Variants in DOCK1 observed in about 807,000 individuals in gnomAD.
DOCK1 encodes dedicator of cytokinesis 1, also known as dedicator of cytokinesis protein 1.
In DOCK1, 138 loss-of-function variants were observed where a neutral mutation model predicts 262.7. The ratio of observed to expected loss-of-function variants is 0.53; its 90% confidence interval spans 0.46 to 0.61. The LOEUF is 0.61. DOCK1 is among the 20% of genes least tolerant of loss of function. DOCK1 has a pLI of 0.00. For missense variants in DOCK1, 1,908 were observed against 2,370.7 expected, an observed-to-expected ratio of 0.80 and a Z score of 4.05; for synonymous variants, 866 against 867.4, an observed-to-expected ratio of 1.00 and a Z score of 0.03.
chr10:127,434,352 G>A (rs950143978), intron 48 of DOCK1, among the ~76,000 whole-genome samples: 1 of 152,012 alleles, frequency 6.6e-6, no homozygotes, highest in African/African-American at 2.4e-5. Context: ...TTTTGTTTTT[G>A]AGGCAGACTC....
intron 48 of DOCK1, 76 bp downstream of exon 48, chr10:127,433,504 G>A: frequency 6.6e-7 from 1 of 1,507,606 alleles, no homozygotes; most frequent in Non-Finnish European, 8.9e-7. Flanking sequence ...CCAGGGCTCT[G>A]GGTTTATTTT....
At chr10:127,284,199 A>G (rs1405094361) in intron 29 of DOCK1, among the ~76,000 whole-genome samples, 1 of 152,130 alleles carries the variant, frequency 6.6e-6, no homozygotes, top group East Asian at 1.9e-4. Context: ...TTGTTATACT[A>G]TGCTCATAGT....
At chr10:126,985,861 T>C (rs910592067) in intron 4 of DOCK1, among the ~76,000 whole-genome samples, 7 of 152,272 alleles carry the variant, frequency 4.6e-5, no homozygotes, top group Admixed American at 1.3e-4. Flanking sequence ...GTTGTTGTTT[T>C]TGAGATGGTG....
At chr10:127,222,722 GTGGT>G (rs1426416983) in intron 27 of DOCK1, among the ~76,000 whole-genome samples, 1 of 152,050 alleles carries the variant, frequency 6.6e-6, no homozygotes, top group African/African-American at 2.4e-5. Context: ...CTGGAGTGCA[GTGGT>G]ATGATCGTGG....
At chr10:127,286,058 C>T (rs577114722) in intron 29 of DOCK1, among the ~76,000 whole-genome samples, 185 of 152,202 alleles carry the variant, frequency 1.2e-3, no homozygotes, top group Non-Finnish European at 2.0e-3. Context: ...GGGCTCAGCC[C>T]GATGCGTCTA....
chr10:127,298,236 C>T (rs1023941265), intron 29 of DOCK1, among the ~76,000 whole-genome samples: 2 of 152,134 alleles, frequency 1.3e-5, no homozygotes, highest in African/African-American at 4.8e-5. Context: ...TAATTAGTGT[C>T]AAAAATCACA....
chr10:127,050,535 ACC>A (rs2044653037), intron 21 of DOCK1, among the ~76,000 whole-genome samples: 1 of 145,358 alleles, frequency 6.9e-6, no homozygotes, highest in South Asian at 2.5e-4. Context: ...ATATGGTGAA[ACC>A]CTGTCTCTAC....
chr10:126,949,404 G>T (rs2134366443), intron 1 of DOCK1, among the ~76,000 whole-genome samples: 1 of 152,212 alleles, frequency 6.6e-6, no homozygotes, highest in African/African-American at 2.4e-5. Context: ...CTTCAGCCCT[G>T]AGCCTTTGGC....
At chr10:127,338,793 T>TA (rs554896737) in intron 29 of DOCK1, among the ~76,000 whole-genome samples, 3 of 152,350 alleles carry the variant, frequency 2.0e-5, no homozygotes, top group African/African-American at 7.2e-5. Flanking sequence ...GGTCTGTTTC[T>TA]TTCATCCTGC....
At chr10:127,225,184 C>T (rs1327282630) in intron 27 of DOCK1, among the ~76,000 whole-genome samples, 1 of 152,176 alleles carries the variant, frequency 6.6e-6, no homozygotes, top group African/African-American at 2.4e-5. Context: ...AATTGTGATA[C>T]ATTACTAAGG....
intron 23 of DOCK1, among the ~76,000 whole-genome samples, chr10:127,103,168 T>G (rs1385807020): frequency 1.3e-5 from 2 of 152,176 alleles, no homozygotes; most frequent in Non-Finnish European, 2.9e-5. Flanking sequence ...TTGTATGAAT[T>G]CCCCTCTTGA....
At chr10:127,067,082 G>T (rs1026677186) in intron 23 of DOCK1, among the ~76,000 whole-genome samples, 2 of 152,228 alleles carry the variant, frequency 1.3e-5, no homozygotes, top group Non-Finnish European at 2.9e-5. Context: ...GCTTTCCATC[G>T]AAGTGGACAT....
At chr10:127,272,567 T>C (rs2060607649) in intron 29 of DOCK1, among the ~76,000 whole-genome samples, 2 of 152,254 alleles carry the variant, frequency 1.3e-5, no homozygotes, top group South Asian at 4.1e-4. Context: ...CTATTTTTTA[T>C]AGACAGAAAA....
intron 12 of DOCK1, 103 bp from the exon 13 acceptor site, chr10:127,018,606 GA>G (rs1591677755): frequency 6.4e-7 from 1 of 1,557,496 alleles, no homozygotes; most frequent in East Asian, 2.3e-5. Context: ...TCAAGATGTT[GA>G]ATTGTGAATT....
intron 27 of DOCK1, among the ~76,000 whole-genome samples, chr10:127,152,239 A>G (rs1348396132): frequency 6.6e-6 from 1 of 152,158 alleles, no homozygotes; most frequent in African/African-American, 2.4e-5. Context: ...GGGTCATTTT[A>G]TGTCAGTGTT....
chr10:126,907,038 A>T (rs1409450044), intron 1 of DOCK1, among the ~76,000 whole-genome samples: 1 of 152,194 alleles, frequency 6.6e-6, no homozygotes, highest in East Asian at 1.9e-4. Context: ...AGCTCATCTG[A>T]CTGCAGACTC....
chr10:127,398,970 GA>G (rs952169003), intron 38 of DOCK1, among the ~76,000 whole-genome samples: 63 of 152,266 alleles, frequency 4.1e-4, no homozygotes, highest in Non-Finnish European at 6.6e-4. Flanking sequence ...TATTATAAAA[GA>G]AAATTTTTAT....
At chr10:127,158,846 T>C (rs1018334644) in intron 27 of DOCK1, among the ~76,000 whole-genome samples, 5 of 152,174 alleles carry the variant, frequency 3.3e-5, no homozygotes, top group African/African-American at 1.2e-4. Flanking sequence ...TTGGAAAACA[T>C]CGCATTCAGC....
rs538613176 is a variant in DOCK1, at chr10:127,138,871, C to T, written c.2847+11107C>T. ...CAACTTGTCTAGAGCCCTCTCGTCTCCATGTCTTTGAAAAGGACCACATTT... is the reference window on the plus strand; with the variant it reads ...CAACTTGTCTAGAGCCCTCTCGTCTTCATGTCTTTGAAAAGGACCACATTT... On this transcript the variant is annotated intron_variant, in intron 27 of 51. Coordinates refer to ENST00000623213, the MANE Select transcript of DOCK1 (RefSeq NM_001290223.2). 5.9e-5 allele frequency among the ~76,000 whole-genome samples: 9 copies of T among 152,350 alleles called. No homozygotes were observed. The South Asian group carries it at 1.9e-3, about 32-fold the overall frequency.
Sources: gnomAD v4.1 joint callset for allele counts (sites outside exome capture counted in the v4.1 genomes callset) on GRCh38, gnomAD v4.1.1 for gene constraint, MANE v1.5 for transcripts, NCBI Gene and HGNC (gene_info 2026-07-23, HGNC 2026-07-21) for gene names.